Variants in CTNNA2 observed in about 807,000 individuals in gnomAD.
CTNNA2 encodes catenin alpha 2, also known as catenin alpha-2.
A neutral mutation model predicts 101.0 loss-of-function variants in CTNNA2; 42 were observed. That is an observed-to-expected ratio of 0.42 (90% confidence interval 0.32 to 0.54). The LOEUF is 0.54. Ranked by LOEUF, CTNNA2 falls within the 20% of genes least tolerant of loss-of-function variation. The pLI is 0.14. For synonymous variants in CTNNA2, 450 were observed against 456.4 expected (o/e 0.99, Z 0.18); for missense variants, 871 against 1,223.1 (o/e 0.71, Z 4.29).
intron 7 of CTNNA2, among the ~76,000 whole-genome samples, chr2:80,283,131 T>C (rs1674512917): frequency 6.6e-6 from 1 of 152,074 alleles, no homozygotes; most frequent in South Asian, 2.1e-4. Context: ...GACAAATAAC[T>C]AGTTTTAATC....
intron 1 of CTNNA2, among the ~76,000 whole-genome samples, chr2:79,636,271 A>C (rs1192785336): frequency 2.2e-5 from 1 of 45,904 alleles, no homozygotes; most frequent in African/African-American, 1.8e-4. Context: ...CTCTGTCTCA[A>C]AAAAAAAAAA....
At chr2:79,860,885 T>G (rs1259444691) in intron 4 of CTNNA2, among the ~76,000 whole-genome samples, 2 of 152,234 alleles carry the variant, frequency 1.3e-5, no homozygotes, top group African/African-American at 4.8e-5. Flanking sequence ...TCAGTTCTTT[T>G]GCGCAGAAGC....
intron 2 of CTNNA2, among the ~76,000 whole-genome samples, chr2:79,733,556 G>A (rs147935561): frequency 6.8e-4 from 103 of 151,988 alleles, no homozygotes; most frequent in African/African-American, 1.1e-3. Context: ...TACCAGGCAC[G>A]CATTAAAGTA....
At chr2:79,271,423 C>T (rs187052550) in intron 2 of CTNNA2, among the ~76,000 whole-genome samples, 15 of 152,086 alleles carry the variant, frequency 9.9e-5, no homozygotes, top group Non-Finnish European at 1.2e-4. Context: ...AGACTGATAG[C>T]GAGAGAGCTG....
At chr2:79,626,546 A>G (rs754456310) in intron 1 of CTNNA2, among the ~76,000 whole-genome samples, 1 of 151,934 alleles carries the variant, frequency 6.6e-6, no homozygotes, top group African/African-American at 2.4e-5. Context: ...CTTTTTCTCA[A>G]AAACACACTA....
At chr2:79,198,228 A>T (rs937096380) in intron 2 of CTNNA2, among the ~76,000 whole-genome samples, 1 of 152,240 alleles carries the variant, frequency 6.6e-6, no homozygotes, top group Non-Finnish European at 1.5e-5. Context: ...AGAAGGATAT[A>T]CACCAAATTT....
intron 1 of CTNNA2, among the ~76,000 whole-genome samples, chr2:79,186,664 C>T (rs1269542186): frequency 6.6e-6 from 1 of 152,186 alleles, no homozygotes; most frequent in Non-Finnish European, 1.5e-5. Context: ...TGCACCTCTC[C>T]CTGCTTCAAT....
intron 3 of CTNNA2, among the ~76,000 whole-genome samples, chr2:79,801,618 T>C (rs1676165480): frequency 6.6e-6 from 1 of 152,172 alleles, no homozygotes; most frequent in Admixed American, 6.5e-5. Flanking sequence ...TTAATTTCCT[T>C]GGTTCTTGAA....
intron 4 of CTNNA2, among the ~76,000 whole-genome samples, chr2:79,438,906 A>C (rs924150063): frequency 4.6e-5 from 7 of 152,218 alleles, no homozygotes; most frequent in Non-Finnish European, 1.0e-4. Flanking sequence ...TAAAATAAAA[A>C]AGATTGGTAA....
intron 4 of CTNNA2, among the ~76,000 whole-genome samples, chr2:79,449,697 A>G (rs1021729532): frequency 1.3e-5 from 2 of 152,054 alleles, no homozygotes; most frequent in Admixed American, 6.6e-5. Flanking sequence ...CACCAAGAGT[A>G]CTATGGAAAA....
intron 1 of CTNNA2, among the ~76,000 whole-genome samples, chr2:79,645,423 C>G (rs1016270833): frequency 6.6e-6 from 1 of 152,122 alleles, no homozygotes; most frequent in African/African-American, 2.4e-5. Context: ...ATTTAATGTA[C>G]AGGAGACTCA....
chr2:80,435,528 T>G (rs1031990019), intron 9 of CTNNA2, among the ~76,000 whole-genome samples: 1 of 152,198 alleles, frequency 6.6e-6, no homozygotes, highest in African/African-American at 2.4e-5. Flanking sequence ...TAGTAATACC[T>G]AATTAGGATT....
chr2:80,642,588 G>A (rs1673615064), intron 18 of CTNNA2, among the ~76,000 whole-genome samples: 1 of 152,180 alleles, frequency 6.6e-6, no homozygotes, highest in Non-Finnish European at 1.5e-5. Flanking sequence ...AAGAGGTGTA[G>A]TTGCACTTTC....
chr2:80,623,451 A>G (rs1224040716), intron 18 of CTNNA2, among the ~76,000 whole-genome samples: 1 of 151,948 alleles, frequency 6.6e-6, no homozygotes, highest in Non-Finnish European at 1.5e-5. Context: ...CGAAACATCC[A>G]TAACATTGAG....
intron 9 of CTNNA2, among the ~76,000 whole-genome samples, chr2:80,522,071 A>G (rs560474741): frequency 2.6e-5 from 4 of 152,302 alleles, no homozygotes; most frequent in Admixed American, 2.6e-4. Context: ...TTCTTTCTAG[A>G]AGCTCCCCAC....
At chr2:80,573,730 A>G (rs1430343572) in intron 12 of CTNNA2, among the ~76,000 whole-genome samples, 3 of 152,138 alleles carry the variant, frequency 2.0e-5, no homozygotes, top group African/African-American at 7.2e-5. Context: ...ACTTTTTTGC[A>G]TTTTCCCACT....
intron 1 of CTNNA2, among the ~76,000 whole-genome samples, chr2:79,604,928 C>G (rs1245243893): frequency 6.6e-6 from 1 of 152,054 alleles, no homozygotes; most frequent in Non-Finnish European, 1.5e-5. Flanking sequence ...ATAGAAATAC[C>G]AAAATAACCA....
At chr2:79,488,420 T>C (rs1038960313) in intron 4 of CTNNA2, among the ~76,000 whole-genome samples, 1 of 151,558 alleles carries the variant, frequency 6.6e-6, no homozygotes, top group African/African-American at 2.4e-5. Flanking sequence ...TGTCAATAAG[T>C]GTTCACTGAC....
chr2:80,599,541 T>C (rs1697279253), intron 15 of CTNNA2, among the ~76,000 whole-genome samples: 1 of 152,244 alleles, frequency 6.6e-6, no homozygotes, highest in Non-Finnish European at 1.5e-5. Context: ...CCTCCAGAAA[T>C]GGCACAACTA....
Sources: gnomAD v4.1 joint callset for allele counts (sites outside exome capture counted in the v4.1 genomes callset) on GRCh38, gnomAD v4.1.1 for gene constraint, MANE v1.5 for transcripts, NCBI Gene and HGNC (gene_info 2026-07-23, HGNC 2026-07-21) for gene names.